Variants in SEC31A observed in about 807,000 individuals in gnomAD.
The protein encoded by SEC31A is protein transport protein Sec31A.
A neutral mutation model predicts 151.0 loss-of-function variants in SEC31A; 70 were observed. That is an observed-to-expected ratio of 0.46 (90% CI 0.38 to 0.57). SEC31A has a LOEUF of 0.57. Ranked by LOEUF, SEC31A falls within the 20% of genes least tolerant of loss-of-function variation. The probability of loss-of-function intolerance (pLI) is 0.00; values close to 1 mark genes in which losing one functional copy is unlikely to be tolerated. For synonymous variants in SEC31A, 475 were observed against 505.9 expected (o/e 0.94, Z 0.82); for missense variants, 1,330 against 1,471.2 (o/e 0.90, Z 1.57).
intron 1 of SEC31A, among the ~76,000 whole-genome samples, chr4:82,887,951 C>T (rs10020734): frequency 0.45 from 68,117 of 151,232 alleles, 17,965 homozygotes; most frequent in Admixed American, 0.6. Context: ...GAGGCTGAGG[C>T]AGGAGAATGG....
intron 20 of SEC31A, 64 bp downstream of exon 20, chr4:82,848,740 G>A: frequency 6.9e-7 from 1 of 1,457,842 alleles, no homozygotes; most frequent in Non-Finnish European, 9.3e-7. Context: ...CTGAACAAAT[G>A]AAAACCACCA....
In SEC31A at chr4:82,864,704, C is replaced by T. The variant is rs113510634; in HGVS notation, c.1198-106G>A. 2.6e-3 allele frequency: 1,992 copies of T among 759,022 alleles called. 19 individuals are homozygous for T. Among genetic ancestry groups the T allele is most frequent in the Middle Eastern group, 0.017 (47 of 2,736 alleles). 47.0% of individuals were successfully genotyped at this position (759,022 alleles called of 1,614,324 possible). A position where few individuals can be genotyped will look rare whatever the true frequency, so the allele number is the denominator to read the frequency against. ...ATAATCTGGATGAAATTAGTTGATA[C>T]AACCTCTCATGCGCCACAGTCTGAC... On this transcript the variant is annotated intron_variant, in intron 10 of 26. Transcript: ENST00000395310.
At chr4:82,848,627 T>C (rs1166854175) in intron 20 of SEC31A, among the ~76,000 whole-genome samples, 177 bp downstream of exon 20, 2 of 152,190 alleles carry the variant, frequency 1.3e-5, no homozygotes, top group African/African-American at 4.8e-5. Context: ...ATGAGAGAGA[T>C]GATTTCAAAA....
At chr4:82,863,763 G>A (rs1298753738) in intron 11 of SEC31A, among the ~76,000 whole-genome samples, 3 of 152,020 alleles carry the variant, frequency 2.0e-5, no homozygotes, top group Admixed American at 1.3e-4. Context: ...AATATTCTAT[G>A]TCCTAAAATT....
At chr4:82,896,241 CAG>C (rs1351827078), upstream of SEC31A, among the ~76,000 whole-genome samples, 2 of 152,098 alleles carry the variant, frequency 1.3e-5, no homozygotes, top group African/African-American at 4.8e-5. Flanking sequence ...TTTTTTGAGA[CAG>C]AGTCTTGCTC....
chr4:82,882,189 G>A (rs1361534991), intron 1 of SEC31A, among the ~76,000 whole-genome samples: 2 of 152,044 alleles, frequency 1.3e-5, no homozygotes, highest in Non-Finnish European at 2.9e-5. Flanking sequence ...GGATCACGAG[G>A]TCAGGAGATT....
intron 17 of SEC31A, 115 bp downstream of exon 17, chr4:82,854,788 T>C (rs1297948884): frequency 9.2e-7 from 1 of 1,089,912 alleles, no homozygotes; most frequent in Non-Finnish European, 1.2e-6. Context: ...AGAATTTTTC[T>C]TTTTTGTGAT....
At chr4:82,841,461 T>G (rs201903788) in intron 22 of SEC31A, among the ~76,000 whole-genome samples, 3 of 90,620 alleles carry the variant, frequency 3.3e-5, no homozygotes, top group Non-Finnish European at 4.4e-5. Context: ...TATATATATA[T>G]ATATATACAC....
At chr4:82,894,341 A>C (rs913967356), upstream of SEC31A, 1 of 152,218 alleles carries the variant, frequency 6.6e-6, no homozygotes, top group African/African-American at 2.4e-5. Context: ...TTTTTCAATG[A>C]AAGGCTTCAA....
chr4:82,862,519 T>C lies in SEC31A; in HGVS notation c.1548+15A>G, dbSNP rs1289946756. 1 of 1,610,146 alleles carries C rather than the reference T, an allele frequency of 6.2e-7. No individual in the cohort carries two copies. Among genetic ancestry groups the C allele is most frequent in the Admixed American group, 1.7e-5 (1 of 59,834 alleles). ...CAAAGTTTTAGAAGGTAGCTATTTT[T>C]AAAGGCCTTCTTACCACATTGGCTC... On this transcript the variant is annotated intron_variant, in intron 13 of 26. Coordinates refer to ENST00000395310, the MANE Select transcript of SEC31A (RefSeq NM_001077207.4).
intron 1 of SEC31A, among the ~76,000 whole-genome samples, chr4:82,889,964 A>T (rs377330397): frequency 2.0e-5 from 3 of 152,126 alleles, no homozygotes; most frequent in South Asian, 4.1e-4. Context: ...GTGGTGGCTT[A>T]TGCCTGTAAC....
intron 22 of SEC31A, among the ~76,000 whole-genome samples, chr4:82,837,373 C>A (rs1283588007): frequency 6.6e-6 from 1 of 150,994 alleles, no homozygotes; most frequent in Non-Finnish European, 1.5e-5. Flanking sequence ...TAAAAACTTC[C>A]TACAGTGAAA....
At chr4:82,883,395 C>T (rs1739832219) in intron 1 of SEC31A, among the ~76,000 whole-genome samples, 1 of 152,232 alleles carries the variant, frequency 6.6e-6, no homozygotes, top group Middle Eastern at 3.4e-3. Context: ...AAGGTTAATG[C>T]AATTTTAATT....
At position 82,827,372 on chromosome 4, in the gene SEC31A, G is replaced by A. The variant is rs2148997290; in HGVS notation, c.3288C>T (p.Phe1096=). The A allele has an allele frequency of 2.5e-6, 4 of 1,613,286 alleles. No homozygotes were observed. Among genetic ancestry groups the A allele is most frequent in the Non-Finnish European group, 3.4e-6 (4 of 1,179,368 alleles). ...GAPGAPIGNT[F]QHVQSLPTKK... is the part of the protein sequence containing the mutation. Reference sequence around the variant, plus strand: ...ACTTCTACAAATTTACTGTTACCTGGAAGGTATTTCCAATAGGAGCCCCTG... The same window carrying A: ...ACTTCTACAAATTTACTGTTACCTGAAAGGTATTTCCAATAGGAGCCCCTG... The change falls in exon 24 of 27, where the codon TTC becomes TTT. Residue 1096 remains phenylalanine, a synonymous_variant. Transcript: ENST00000395310.
rs1735491052 is a variant in SEC31A, at chr4:82,866,751, C to T, written c.1197+57G>A. ...TTCCATCAGAGTGACTCTATAATAA[C>T]ACTTTGGTATAAAAAGTCCTTTGTG... is the stretch of plus-strand genomic sequence containing the variant. On this transcript the variant is annotated intron_variant, in intron 10 of 26. Coordinates refer to ENST00000395310, the MANE Select transcript of SEC31A (RefSeq NM_001077207.4). 44 of 1,477,322 alleles carry T rather than the reference C, an allele frequency of 3.0e-5. 1 individual carries two copies. The South Asian group carries it at 5.6e-4, about 19-fold the overall frequency. 91.5% of individuals were successfully genotyped at this position (1,477,322 alleles called of 1,614,324 possible). A position where few individuals can be genotyped will look rare whatever the true frequency, so the allele number is the denominator to read the frequency against.
rs760448282 is a variant in SEC31A, at chr4:82,842,377, G to C, written c.2731C>G (p.Pro911Ala). The change falls in exon 22 of 27, where the codon CCT becomes GCT. Residue 911 changes from proline (P) to alanine (A), a missense_variant. Physicochemically the swap from Pro to Ala is conservative, Grantham distance 27. Transcript: ENST00000395310. Reference sequence around the variant, plus strand: ...TAGGAAGAAGCAGAAGATATGTAAGGGGTGTTAGGGTAAGCGTTTGAAGTA... The same window carrying C: ...TAGGAAGAAGCAGAAGATATGTAAGCGGTGTTAGGGTAAGCGTTTGAAGTA... ...PPTSNAYPNTPYISSASSYTG... is the reference protein window; with the variant it reads ...PPTSNAYPNTAYISSASSYTG... 1 of 1,613,876 alleles carries C rather than the reference G, an allele frequency of 6.2e-7. No homozygotes were observed. Among genetic ancestry groups the C allele is most frequent in the Admixed American group, 1.7e-5 (1 of 59,982 alleles).
chr4:82,882,208 C>CCCGG (rs1250052689), intron 1 of SEC31A, among the ~76,000 whole-genome samples: 6 of 151,946 alleles, frequency 3.9e-5, no homozygotes, highest in African/African-American at 1.5e-4. Context: ...TTGAGACCAT[C>CCCGG]CTGGCTAACA....
intron 25 of SEC31A, among the ~76,000 whole-genome samples, chr4:82,823,836 G>A (rs1375310500): frequency 6.6e-6 from 1 of 152,122 alleles, no homozygotes; most frequent in Non-Finnish European, 1.5e-5. Context: ...TTCTTGCATA[G>A]CACCATTATG....
intron 18 of SEC31A, 22 bp downstream of exon 18, chr4:82,853,548 C>A: frequency 1.3e-6 from 2 of 1,536,478 alleles, no homozygotes; most frequent in East Asian, 2.4e-5. Flanking sequence ...AAATTAAGTG[C>A]CTTTTGTTTC....
Sources: gnomAD v4.1 joint callset for allele counts (sites outside exome capture counted in the v4.1 genomes callset) on GRCh38, gnomAD v4.1.1 for gene constraint, MANE v1.5 for transcripts, NCBI Gene and HGNC (gene_info 2026-07-23, HGNC 2026-07-21) for gene names.